The following NSUN6 variants were observed in gnomAD, a reference collection of about 807,000 sequenced individuals.
The protein encoded by NSUN6 is NOP2/Sun RNA methyltransferase 6, also known as tRNA (cytosine(72)-C(5))-methyltransferase NSUN6.
A neutral mutation model predicts 58.0 loss-of-function variants in NSUN6; 64 were observed. The observed-to-expected ratio is 1.10, with a 90% CI of 0.90 to 1.36. The LOEUF (loss-of-function observed/expected upper bound fraction) is 1.36. Among genes scored for constraint, NSUN6 ranks in the 40% most tolerant of loss-of-function variants. The probability of loss-of-function intolerance (pLI) is 0.00; values close to 1 mark genes in which losing one functional copy is unlikely to be tolerated. For missense variants in NSUN6, 701 were observed against 550.1 expected (o/e 1.27, Z -2.74); for synonymous variants, 231 against 193.9 (o/e 1.19, Z -1.59).
intron 8 of NSUN6, among the ~76,000 whole-genome samples, chr10:18,581,723 G>A (rs1049755337): frequency 2.0e-5 from 3 of 151,988 alleles, no homozygotes; most frequent in African/African-American, 7.3e-5. Flanking sequence ...CTACTCAGGA[G>A]GCTGAGGCAG....
chr10:18,624,644 T>C (rs1410586590), intron 3 of NSUN6, among the ~76,000 whole-genome samples: 1 of 16,666 alleles, frequency 6.0e-5, no homozygotes, highest in African/African-American at 2.4e-4. Context: ...CGAGACTCTG[T>C]CTCAAAAAAA....
At chr10:18,567,219 C>T (rs1337097487) in intron 8 of NSUN6, among the ~76,000 whole-genome samples, 1 of 149,968 alleles carries the variant, frequency 6.7e-6, no homozygotes. Context: ...ATTCCATTCC[C>T]TTCTATTCTC....
intron 9 of NSUN6, among the ~76,000 whole-genome samples, chr10:18,551,182 A>G (rs2054576927): frequency 6.6e-6 from 1 of 151,348 alleles, no homozygotes; most frequent in South Asian, 2.1e-4. Flanking sequence ...TATTGCCTGT[A>G]TATCTTAAAG....
chr10:18,567,336 C>G (rs538721139), intron 8 of NSUN6, among the ~76,000 whole-genome samples: 1 of 151,424 alleles, frequency 6.6e-6, no homozygotes, highest in Admixed American at 6.6e-5. Context: ...GCATTCCATT[C>G]CATTCCATTC....
chr10:18,604,315 TAC>T (rs2057965514), intron 6 of NSUN6, among the ~76,000 whole-genome samples: 1 of 152,174 alleles, frequency 6.6e-6, no homozygotes. Flanking sequence ...GTTTCCACAA[TAC>T]ACATTTATTT....
chr10:18,647,476 A>C (rs1009677919), intron 2 of NSUN6, among the ~76,000 whole-genome samples: 50 of 152,230 alleles, frequency 3.3e-4, no homozygotes, highest in African/African-American at 1.2e-3. Flanking sequence ...CACCTAAGGC[A>C]AAGCTTTCAA....
intron 4 of NSUN6, among the ~76,000 whole-genome samples, chr10:18,615,330 TA>T: frequency 6.6e-6 from 1 of 152,322 alleles, no homozygotes; most frequent in East Asian, 1.9e-4. Context: ...TAATCTATCA[TA>T]AATTTATTTG....
At position 18,551,968 on chromosome 10, in the gene NSUN6, T is replaced by C. The variant is rs752512057; in HGVS notation, c.926A>G (p.Glu309Gly). Residue 309 changes from glutamate to glycine, a missense_variant, in exon 9 of 11, where the codon GAA becomes GGA. By Grantham distance (98) the Glu-to-Gly change is moderately conservative. Coordinates refer to ENST00000377304, the MANE Select transcript of NSUN6 (RefSeq NM_182543.5). ...KLDMVEDTEG[E>G]PPFLPESFDR... ...AAAGGATTCTGGTAGAAATGGAGGT[T>C]CTCCTATAAAGAGAATTATAATCAT... 1.9e-6 allele frequency: 3 copies of C among 1,595,892 alleles called. No individual in the cohort carries two copies. The highest frequency in any genetic ancestry group is 2.6e-6 in the Non-Finnish European group (3 of 1,165,180).
chr10:18,615,489 T>TA (rs2058377915), intron 4 of NSUN6, among the ~76,000 whole-genome samples: 1 of 152,232 alleles, frequency 6.6e-6, no homozygotes, highest in Non-Finnish European at 1.5e-5. Flanking sequence ...CTCTGTGGCA[T>TA]ATTCTTCTTT....
intron 6 of NSUN6, among the ~76,000 whole-genome samples, chr10:18,607,919 G>C (rs1271043470): frequency 1.3e-5 from 2 of 152,196 alleles, no homozygotes; most frequent in African/African-American, 4.8e-5. Context: ...TTGAAGGTTT[G>C]TAAGAAGTAA....
intron 8 of NSUN6, among the ~76,000 whole-genome samples, chr10:18,561,777 G>A (rs2055531076): frequency 6.7e-6 from 1 of 148,560 alleles, no homozygotes; most frequent in Non-Finnish European, 1.5e-5. Flanking sequence ...ATAGAATGGA[G>A]AACGGAATGG....
intron 2 of NSUN6, among the ~76,000 whole-genome samples, chr10:18,644,154 G>C (rs1414730449): frequency 6.6e-6 from 1 of 152,092 alleles, no homozygotes; most frequent in Non-Finnish European, 1.5e-5. Context: ...ACGCTCACTG[G>C]CAGTCAATCC....
chr10:18,626,459 T>A (rs1289322463), intron 3 of NSUN6, among the ~76,000 whole-genome samples: 2 of 152,134 alleles, frequency 1.3e-5, no homozygotes, highest in Admixed American at 1.3e-4. Flanking sequence ...TCATTTCTCA[T>A]AATGGAAAGT....
chr10:18,611,139 T>G (rs1053307268), intron 5 of NSUN6, among the ~76,000 whole-genome samples: 1 of 151,878 alleles, frequency 6.6e-6, no homozygotes, highest in Non-Finnish European at 1.5e-5. Flanking sequence ...GAGGATGCAG[T>G]GAGTTAGCAT....
At chr10:18,611,209 ATT>A (rs1386649582) in intron 5 of NSUN6, among the ~76,000 whole-genome samples, 1 of 151,952 alleles carries the variant, frequency 6.6e-6, no homozygotes, top group Non-Finnish European at 1.5e-5. Context: ...TTTTAAAAAA[ATT>A]TTTTTTAAAA....
intron 2 of NSUN6, among the ~76,000 whole-genome samples, chr10:18,647,666 G>C (rs187749159): frequency 6.7e-6 from 1 of 148,844 alleles, no homozygotes; most frequent in East Asian, 2.0e-4. Context: ...ATTGAAAATA[G>C]ATTCAGATTC....
intron 8 of NSUN6, among the ~76,000 whole-genome samples, chr10:18,575,533 C>G (rs1022656466): frequency 6.6e-6 from 1 of 152,180 alleles, no homozygotes; most frequent in African/African-American, 2.4e-5. Context: ...TTTCACCACA[C>G]ACATTATTAA....
chr10:18,587,044 T>A (rs570206456), intron 7 of NSUN6, among the ~76,000 whole-genome samples: 1 of 152,230 alleles, frequency 6.6e-6, no homozygotes, highest in East Asian at 1.9e-4. Context: ...TAAATACTTA[T>A]GGCTTTCCAT....
At chr10:18,549,371 T>A (rs1266986850) in intron 9 of NSUN6, among the ~76,000 whole-genome samples, 1 of 152,106 alleles carries the variant, frequency 6.6e-6, no homozygotes, top group Admixed American at 6.6e-5. Context: ...CTCTCTTAAT[T>A]CCCTGCACTG....
Sources: gnomAD v4.1 joint callset for allele counts (sites outside exome capture counted in the v4.1 genomes callset) on GRCh38, gnomAD v4.1.1 for gene constraint, MANE v1.5 for transcripts, NCBI Gene and HGNC (gene_info 2026-07-23, HGNC 2026-07-21) for gene names.